Variants in SNRPN observed in about 807,000 individuals in gnomAD.
SNRPN encodes the protein small nuclear ribonucleoprotein-associated protein N.
SNRPN carries 7 observed loss-of-function variants against 25.2 expected under a neutral mutation model. The ratio of observed to expected loss-of-function variants is 0.28; its 90% CI spans 0.16 to 0.52. SNRPN has a LOEUF of 0.52. SNRPN is among the 20% of genes least tolerant of loss of function. The pLI is 0.96. For synonymous variants in SNRPN, 124 were observed against 110.6 expected (o/e 1.12, Z -0.76); for missense variants, 196 against 322.5 (o/e 0.61, Z 3.00).
intron 3 of SNRPN, among the ~76,000 whole-genome samples, chr15:24,923,923 A>AT (rs34575205): frequency 0.026 from 2,363 of 89,904 alleles, 329 homozygotes; most frequent in African/African-American, 0.042. Flanking sequence ...GTATATAAAC[A>AT]TTTTTTTTTT....
At chr15:24,838,587 C>T (rs1467263905) in intron 2 of SNRPN, among the ~76,000 whole-genome samples, 2 of 152,170 alleles carry the variant, frequency 1.3e-5, no homozygotes, top group East Asian at 3.9e-4. Context: ...CAGATCTTCC[C>T]TATCTATCAG....
upstream of SNRPN, among the ~76,000 whole-genome samples, chr15:24,950,365 T>TG (rs1265575398): frequency 6.6e-6 from 1 of 150,908 alleles, no homozygotes. Flanking sequence ...TTAGTAGAGA[T>TG]GGGGTTTCAC....
intron 2 of SNRPN, among the ~76,000 whole-genome samples, chr15:24,888,386 G>A (rs1003815598): frequency 6.6e-6 from 1 of 152,196 alleles, no homozygotes; most frequent in African/African-American, 2.4e-5. Flanking sequence ...GATTACAGGC[G>A]TGACCCACCA....
At chr15:24,843,132 C>CCTGCAACCTCGGCTCA (rs2051846506) in intron 2 of SNRPN, among the ~76,000 whole-genome samples, 2 of 151,894 alleles carry the variant, frequency 1.3e-5, no homozygotes, top group Non-Finnish European at 2.9e-5. Flanking sequence ...GGAGTGCAAT[C>CCTGCAACCTCGGCTCA]CTGCAACCTC....
rs559496252 is a variant in SNRPN, at chr15:24,861,763, G to A, written c.-579+5047G>A. On this transcript the variant is annotated intron_variant, in intron 1 of 11. Coordinates refer to the SNRPN transcript ENST00000400097. ...CATGACTAATAAACACATAAGAGTC[G>A]ATTTAATATTTATTTTAAAAGCCCT... Among the ~76,000 whole-genome samples the A allele has an allele frequency of 6.8e-4, 103 of 152,034 alleles. 1 individual carries two copies. The highest frequency in any genetic ancestry group is 2.4e-3 in the African/African-American group (101 of 41,450).
chr15:24,891,356 T>A (rs1212738708), intron 2 of SNRPN, among the ~76,000 whole-genome samples: 1 of 152,226 alleles, frequency 6.6e-6, no homozygotes, highest in Non-Finnish European at 1.5e-5. Flanking sequence ...TATGTAAGCA[T>A]TTACTTCCCT....
chr15:24,968,637 A>G (rs1409623021), intron 3 of SNRPN, among the ~76,000 whole-genome samples: 2 of 152,326 alleles, frequency 1.3e-5, no homozygotes, highest in African/African-American at 4.8e-5. Context: ...TAATTCAAAT[A>G]TGGTTTATGT....
intron 1 of SNRPN, among the ~76,000 whole-genome samples, chr15:24,879,672 T>G (rs2056392350): frequency 6.6e-6 from 1 of 152,230 alleles, no homozygotes; most frequent in South Asian, 2.1e-4. Flanking sequence ...TTTTTTTGTT[T>G]GCATATGGCC....
intron 1 of SNRPN, among the ~76,000 whole-genome samples, chr15:24,870,252 A>G (rs981091532): frequency 6.6e-6 from 1 of 152,158 alleles, no homozygotes; most frequent in African/African-American, 2.4e-5. Flanking sequence ...TGGCTTTTAA[A>G]ACAAAGATAC....
chr15:24,841,288 G>A (rs1016559173), intron 2 of SNRPN, among the ~76,000 whole-genome samples: 2 of 151,958 alleles, frequency 1.3e-5, no homozygotes, highest in African/African-American at 2.4e-5. Flanking sequence ...GCCCACTATT[G>A]TGTCTTAGTT....
chr15:24,955,081 TTCTCTCAAGAGACAGCCTGG>T lies in SNRPN; in HGVS notation c.-391+20_-391+39del, dbSNP rs776908052. ...GGGCAAGGTCAGCTGTGCCGGTGGC[TTCTCTCAAGAGACAGCCTGG>T]GGAGCGGCCACTTTTATTCATCAGA... On this transcript the variant is annotated intron_variant, in intron 1 of 9. Transcript: ENST00000390687. 1.2e-6 allele frequency: 2 copies of T among 1,613,592 alleles called. No homozygotes were observed. The highest frequency in any genetic ancestry group is 3.3e-5 in the Admixed American group (2 of 60,026).
Position 24,962,191 on chromosome 15 carries a change from C to T in SNRPN, c.-313C>T, listed in dbSNP as rs779082047. On this transcript the variant is annotated 5_prime_UTR_variant, in exon 2 of 10. Transcript: ENST00000390687. ...GTCCAAGTCAAACGCAGAAGGACTG[C>T]CTCACTGAGCAACCAAGAGTGAGTA... The T allele has an allele frequency of 8.1e-6, 13 of 1,613,916 alleles. No homozygotes were observed. The African/African-American group carries it at 1.3e-4, about 17-fold the overall frequency.
chr15:24,969,496 CACA>C (rs1163166897), intron 3 of SNRPN, among the ~76,000 whole-genome samples: 1 of 152,182 alleles, frequency 6.6e-6, no homozygotes. Flanking sequence ...ATCCTTTATA[CACA>C]ACATTTTCTA....
upstream of SNRPN, among the ~76,000 whole-genome samples, chr15:24,952,253 G>C (rs1004704699): frequency 6.6e-6 from 1 of 152,044 alleles, no homozygotes; most frequent in Non-Finnish European, 1.5e-5. Context: ...TATGATGCAA[G>C]GGTTCTGATT....
intron 2 of SNRPN, chr15:24,909,786 T>C (rs752990631): frequency 7.4e-5 from 96 of 1,291,672 alleles, no homozygotes; most frequent in Non-Finnish European, 2.2e-5. Flanking sequence ...TGGTATCTCT[T>C]AAAGTAGGCC....
chr15:24,962,376 A>G (rs1386946685), intron 2 of SNRPN, among the ~76,000 whole-genome samples, 167 bp downstream of exon 2: 2 of 152,250 alleles, frequency 1.3e-5, no homozygotes, highest in African/African-American at 4.8e-5. Context: ...ATATTATCCT[A>G]AAATAATTCA....
intron 2 of SNRPN, among the ~76,000 whole-genome samples, chr15:24,887,122 A>G (rs572549427): frequency 1.3e-5 from 2 of 148,990 alleles, no homozygotes; most frequent in East Asian, 4.0e-4. Flanking sequence ...ATAGAAATAT[A>G]TCCCCACGAG....
chr15:24,894,279 T>C (rs11161156), intron 2 of SNRPN, among the ~76,000 whole-genome samples: 93,634 of 151,264 alleles, frequency 0.62, 29,040 homozygotes, highest in South Asian at 0.65. Flanking sequence ...AGCGCAGTGG[T>C]GTGATCTCGG....
chr15:24,843,325 C>T (rs1217068344), intron 2 of SNRPN, among the ~76,000 whole-genome samples: 5 of 152,108 alleles, frequency 3.3e-5, no homozygotes, highest in Admixed American at 6.6e-5. Flanking sequence ...TAGATCTTAG[C>T]GCTGAGATGC....
Sources: allele counts gnomAD v4.1 joint callset (sites outside exome capture counted in the v4.1 genomes callset), GRCh38; gene constraint gnomAD v4.1.1; transcripts MANE v1.5; gene names NCBI Gene and HGNC (gene_info 2026-07-23, HGNC 2026-07-21).